Variants in MYRIP observed in about 807,000 individuals in gnomAD.
MYRIP encodes rab effector MyRIP.
MYRIP carries 49 observed loss-of-function variants against 98.0 expected under a neutral mutation model. That is an observed-to-expected ratio of 0.50 (90% CI 0.40 to 0.63). The LOEUF (loss-of-function observed/expected upper bound fraction) is 0.63. MYRIP is among the 30% of genes least tolerant of loss of function. The probability of loss-of-function intolerance (pLI) is 0.00; values close to 1 mark genes in which losing one functional copy is unlikely to be tolerated. For missense variants in MYRIP, 1,004 were observed against 1,058.2 expected, an observed-to-expected ratio of 0.95 and a Z score of 0.71; for synonymous variants, 404 against 409.5, an observed-to-expected ratio of 0.99 and a Z score of 0.16.
rs190955243 is a variant in MYRIP at position 39,855,441 on chromosome 3, A to C, written c.-30-45346A>C. Among the ~76,000 whole-genome samples the C allele has an allele frequency of 4.2e-3, 639 of 152,236 alleles. 1 individual carries two copies. Among genetic ancestry groups the C allele is most frequent in the Middle Eastern group, 0.01 (3 of 294 alleles). On this transcript the variant is annotated intron_variant, in intron 1 of 16. Transcript: ENST00000302541. Reference sequence around the variant, plus strand: ...GTTAGGCTACCAGAGCAGGTAGGGAAATACATCAGGCAGGGGCAGAGGAAG... The same window carrying C: ...GTTAGGCTACCAGAGCAGGTAGGGACATACATCAGGCAGGGGCAGAGGAAG...
At chr3:40,164,630 C>T (rs1181375898) in intron 5 of MYRIP, among the ~76,000 whole-genome samples, 5 of 152,322 alleles carry the variant, frequency 3.3e-5, no homozygotes, top group South Asian at 2.1e-4. Context: ...AGCCTAGCCA[C>T]GTTGACACAT....
chr3:40,013,437 G>A (rs1484451823), intron 2 of MYRIP, among the ~76,000 whole-genome samples: 2 of 152,246 alleles, frequency 1.3e-5, no homozygotes, highest in Non-Finnish European at 2.9e-5. Context: ...TGCACATGCT[G>A]TGCTGGTTCA....
intron 1 of MYRIP, among the ~76,000 whole-genome samples, chr3:39,826,542 A>AT (rs1193460695): frequency 2.0e-5 from 3 of 152,078 alleles, no homozygotes; most frequent in African/African-American, 7.2e-5. Flanking sequence ...GTTTTAAAAA[A>AT]TTTTTTGAGA....
At chr3:40,195,561 G>A (rs1446787090) in intron 10 of MYRIP, among the ~76,000 whole-genome samples, 1 of 152,178 alleles carries the variant, frequency 6.6e-6, no homozygotes, top group African/African-American at 2.4e-5. Context: ...CTCCCAAAGT[G>A]CTGGGATTAC....
chr3:40,183,652 C>T (rs1026013399), intron 9 of MYRIP, among the ~76,000 whole-genome samples: 19 of 152,220 alleles, frequency 1.2e-4, no homozygotes, highest in Admixed American at 9.8e-4. Context: ...AGGTCTACTC[C>T]TCTCTTCCTA....
At chr3:39,919,138 G>A (rs1381559718) in intron 2 of MYRIP, among the ~76,000 whole-genome samples, 1 of 152,152 alleles carries the variant, frequency 6.6e-6, no homozygotes, top group African/African-American at 2.4e-5. Flanking sequence ...TTCTTCACGT[G>A]CGAGAAATGT....
chr3:39,925,434 A>C (rs1386241825), intron 2 of MYRIP, among the ~76,000 whole-genome samples: 2 of 152,050 alleles, frequency 1.3e-5, no homozygotes, highest in Non-Finnish European at 2.9e-5. Flanking sequence ...CCCATCACCC[A>C]GGTAGTGAGC....
chr3:39,998,303 C>A (rs941832051), intron 2 of MYRIP, among the ~76,000 whole-genome samples: 9 of 152,198 alleles, frequency 5.9e-5, no homozygotes, highest in Non-Finnish European at 1.3e-4. Flanking sequence ...AGCCCAAAAT[C>A]TCCTTAAGCT....
At chr3:39,888,075 A>T (rs1943360397) in intron 1 of MYRIP, among the ~76,000 whole-genome samples, 1 of 152,008 alleles carries the variant, frequency 6.6e-6, no homozygotes, top group Non-Finnish European at 1.5e-5. Flanking sequence ...GGTAGGAAGA[A>T]TCAATATCGT....
chr3:40,096,444 G>A (rs931150184), intron 3 of MYRIP, among the ~76,000 whole-genome samples: 2 of 152,190 alleles, frequency 1.3e-5, no homozygotes, highest in African/African-American at 2.4e-5. Flanking sequence ...TTTAGCATAT[G>A]GCAAAGGGAG....
At chr3:39,982,717 T>C (rs1945925329) in intron 2 of MYRIP, among the ~76,000 whole-genome samples, 1 of 152,196 alleles carries the variant, frequency 6.6e-6, no homozygotes. Flanking sequence ...AAAATCTCTC[T>C]CTGGTCAATT....
intron 2 of MYRIP, among the ~76,000 whole-genome samples, chr3:39,976,988 A>T (rs1945769530): frequency 6.6e-6 from 1 of 152,218 alleles, no homozygotes; most frequent in Non-Finnish European, 1.5e-5. Context: ...ATGGACATGT[A>T]TACATATGTA....
intron 3 of MYRIP, among the ~76,000 whole-genome samples, chr3:40,070,855 C>T (rs1248476526): frequency 6.6e-6 from 1 of 152,180 alleles, no homozygotes; most frequent in African/African-American, 2.4e-5. Flanking sequence ...CCTTACATAT[C>T]ATTTTCTGCA....
chr3:40,212,212 G>A lies in MYRIP; in HGVS notation c.1905+2119G>A, dbSNP rs9681873. Among the ~76,000 whole-genome samples, 64 of 45,258 alleles carry A rather than the reference G, an allele frequency of 1.4e-3. 14 individuals carry two copies. The highest frequency in any genetic ancestry group is 3.1e-3 in the Non-Finnish European group (51 of 16,512). 29.7% of individuals were successfully genotyped at this position (45,258 alleles called of 152,430 possible). On this transcript the variant is annotated intron_variant, in intron 11 of 16. Coordinates refer to ENST00000302541, the MANE Select transcript of MYRIP (RefSeq NM_015460.4). ...TGTATATACATATATATACGTGTGT[G>A]TATATATATATATACACACACACAC...
chr3:40,135,427 G>A (rs1051030973), intron 3 of MYRIP, among the ~76,000 whole-genome samples: 12 of 152,172 alleles, frequency 7.9e-5, no homozygotes, highest in Non-Finnish European at 1.5e-4. Context: ...TGAAAGTGAC[G>A]GGAAGAATGG....
Position 40,249,985 on chromosome 3 carries a change from A to T in MYRIP, c.2263-237A>T, listed in dbSNP as rs903918603. Among the ~76,000 whole-genome samples the T allele has an allele frequency of 1.2e-4, 19 of 152,110 alleles. 1 individual carries two copies. The highest frequency in any genetic ancestry group is 4.4e-5 in the Non-Finnish European group (3 of 68,028). On this transcript the variant is annotated intron_variant, in intron 13 of 16. Transcript: ENST00000302541. ...TTATCCCCAGGCATACTCTGACAGG[A>T]TTGTTGACATGCTCTAGAGCTAACA... is the stretch of plus-strand genomic sequence containing the variant.
chr3:39,845,650 C>T (rs1941941041), intron 1 of MYRIP, among the ~76,000 whole-genome samples: 1 of 151,922 alleles, frequency 6.6e-6, no homozygotes, highest in South Asian at 2.1e-4. Context: ...AGTCTGCTTT[C>T]CAATAAATCA....
At chr3:40,162,899 C>A in intron 5 of MYRIP, 89 bp downstream of exon 5, 1 of 1,184,080 alleles carries the variant, frequency 8.4e-7, no homozygotes, top group Non-Finnish European at 1.3e-6. Flanking sequence ...CCCCCAGATG[C>A]ATTGTTACCC....
chr3:39,992,506 T>C (rs1946204397), intron 2 of MYRIP, among the ~76,000 whole-genome samples: 1 of 152,212 alleles, frequency 6.6e-6, no homozygotes, highest in Admixed American at 6.5e-5. Context: ...TCTGGACTTA[T>C]TCCAGACCAG....
Sources: gnomAD v4.1 joint callset for allele counts (sites outside exome capture counted in the v4.1 genomes callset) on GRCh38, gnomAD v4.1.1 for gene constraint, MANE v1.5 for transcripts, NCBI Gene and HGNC (gene_info 2026-07-23, HGNC 2026-07-21) for gene names.